Variants in TEX9 observed in about 807,000 individuals in gnomAD.
TEX9 encodes the protein testis-expressed protein 9.
Under a neutral mutation model 59.6 loss-of-function variants are expected in TEX9, and 74 were observed. The observed-to-expected ratio is 1.24, with a 90% CI of 1.03 to 1.51. TEX9 has a LOEUF of 1.51. Ranked by LOEUF, TEX9 falls within the 40% of genes most tolerant of loss-of-function variation. The pLI, the probability that TEX9 is intolerant of heterozygous loss-of-function variation, is 0.00. For missense variants in TEX9, 522 were observed against 447.8 expected, an observed-to-expected ratio of 1.17 and a Z score of -1.49; for synonymous variants, 186 against 152.2, an observed-to-expected ratio of 1.22 and a Z score of -1.64.
intron 1 of TEX9, among the ~76,000 whole-genome samples, chr15:56,318,602 A>T (rs556803995): frequency 6.6e-6 from 1 of 151,632 alleles, no homozygotes; most frequent in Admixed American, 6.6e-5. Flanking sequence ...TTGTTTCTTT[A>T]TTCCTTTATT....
intron 4 of TEX9, among the ~76,000 whole-genome samples, chr15:56,388,181 T>C (rs2048046775): frequency 6.6e-6 from 1 of 152,050 alleles, no homozygotes; most frequent in African/African-American, 2.4e-5. Flanking sequence ...GTAATTGCTG[T>C]GGATAGCCCA....
At chr15:56,417,784 T>C (rs2049769383) in intron 10 of TEX9, among the ~76,000 whole-genome samples, 2 of 151,950 alleles carry the variant, frequency 1.3e-5, no homozygotes, top group East Asian at 1.9e-4. Flanking sequence ...CTATGGAGAG[T>C]TGAAGTCTCC....
chr15:56,367,732 A>T (rs570193091), intron 2 of TEX9, among the ~76,000 whole-genome samples: 1 of 152,316 alleles, frequency 6.6e-6, no homozygotes, highest in African/African-American at 2.4e-5. Context: ...ATAGTGTTTT[A>T]TCATTTTACT....
At chr15:56,349,619 G>A (rs980347512) in intron 1 of TEX9, among the ~76,000 whole-genome samples, 10 of 152,020 alleles carry the variant, frequency 6.6e-5, no homozygotes, top group South Asian at 2.1e-4. Flanking sequence ...CCCAAGTATC[G>A]TTTTCCTTTC....
intron 1 of TEX9, among the ~76,000 whole-genome samples, chr15:56,245,407 G>T (rs2043826848): frequency 6.6e-6 from 1 of 152,170 alleles, no homozygotes; most frequent in Admixed American, 6.5e-5. Context: ...CCCATTGCAC[G>T]AGTTGCATCA....
chr15:56,358,620 A>G (rs1444062091), intron 1 of TEX9, among the ~76,000 whole-genome samples: 4 of 152,134 alleles, frequency 2.6e-5, no homozygotes, highest in African/African-American at 9.7e-5. Flanking sequence ...TCCATAGTTT[A>G]TTCAGAATTC....
intron 1 of TEX9, among the ~76,000 whole-genome samples, chr15:56,254,241 C>T (rs1266674970): frequency 6.6e-6 from 1 of 151,964 alleles, no homozygotes; most frequent in African/African-American, 2.4e-5. Context: ...ACTAGAGCAA[C>T]TGTGCCGTAC....
chr15:56,351,192 T>C (rs1403274330), intron 1 of TEX9, among the ~76,000 whole-genome samples: 3 of 152,174 alleles, frequency 2.0e-5, no homozygotes, highest in Admixed American at 1.3e-4. Flanking sequence ...ATTATAACAA[T>C]ACACAAGAAA....
At chr15:56,337,137 G>GA (rs2046272394) in intron 1 of TEX9, among the ~76,000 whole-genome samples, 1 of 152,108 alleles carries the variant, frequency 6.6e-6, no homozygotes, top group African/African-American at 2.4e-5. Context: ...AGATTAGTGG[G>GA]AAAAAATTCC....
chr15:56,332,848 A>G lies in TEX9; in HGVS notation c.-106-40593A>G, dbSNP rs369925404. Among the ~76,000 whole-genome samples the G allele has an allele frequency of 5.9e-5, 9 of 152,282 alleles. No homozygotes were observed. In the South Asian group the frequency reaches 8.3e-4, roughly 14 times the overall value. On this transcript the variant is annotated intron_variant, in intron 1 of 5. Coordinates refer to the TEX9 transcript ENST00000560827. ...GGTGAAAAAGGAGACATTACAACTG[A>G]TAAAGCAGAAGCTTGAAGGATCATT...
In TEX9 at chr15:56,359,843, A is replaced by G. The variant is rs375839996; in HGVS notation, c.-106-13598A>G. Among the ~76,000 whole-genome samples the G allele has an allele frequency of 4.6e-5, 7 of 152,280 alleles. No homozygotes were observed. In the East Asian group the frequency reaches 1.2e-3, roughly 25 times the overall value. ...GTGTTGTTCCTGATCTTAGGGAGAAAGCATCCAATTTCATTAAGCTGTAGA... is the reference window on the plus strand; with the variant it reads ...GTGTTGTTCCTGATCTTAGGGAGAAGGCATCCAATTTCATTAAGCTGTAGA... On this transcript the variant is annotated intron_variant, in intron 1 of 5. Transcript: ENST00000560827.
chr15:56,255,887 T>G (rs1173250383), intron 1 of TEX9, among the ~76,000 whole-genome samples: 1 of 152,064 alleles, frequency 6.6e-6, no homozygotes, highest in African/African-American at 2.4e-5. Context: ...TAAAGGACTT[T>G]GTATGAATAA....
At chr15:56,257,642 G>A (rs1222750753) in intron 1 of TEX9, among the ~76,000 whole-genome samples, 3 of 151,768 alleles carry the variant, frequency 2.0e-5, no homozygotes, top group African/African-American at 7.2e-5. Context: ...TAATCGGGTT[G>A]TTTTTTCTTG....
chr15:56,311,809 T>C (rs1158314021), intron 1 of TEX9, among the ~76,000 whole-genome samples: 2 of 140,664 alleles, frequency 1.4e-5, no homozygotes, highest in African/African-American at 5.3e-5. Flanking sequence ...GCACCTGTTG[T>C]TTCCTGATTT....
intron 9 of TEX9, among the ~76,000 whole-genome samples, chr15:56,405,749 C>T (rs1274761289): frequency 3.9e-5 from 6 of 152,088 alleles, no homozygotes; most frequent in Non-Finnish European, 8.8e-5. Context: ...TCTCGGTGTA[C>T]AGTTCACAGA....
In TEX9 at chr15:56,305,181, AT is replaced by A. The variant is rs368093014; in HGVS notation, c.-107+60905del. On this transcript the variant is annotated intron_variant, in intron 1 of 5. Coordinates refer to the TEX9 transcript ENST00000560827. ...ATGTTCATGGATCGGAAGAGTTAAT[AT>A]TGTTTAAATATCCATATTATCCAAA... Among the ~76,000 whole-genome samples, 44 of 152,304 alleles carry A rather than the reference AT, an allele frequency of 2.9e-4. 1 individual carries two copies. The highest frequency in any genetic ancestry group is 1.0e-3 in the African/African-American group (42 of 41,574).
chr15:56,398,769 AT>A (rs1447890873), intron 9 of TEX9, among the ~76,000 whole-genome samples: 3 of 151,406 alleles, frequency 2.0e-5, no homozygotes, highest in South Asian at 2.1e-4. Flanking sequence ...TAGGGGGAGA[AT>A]TTTTTTTTCC....
At chr15:56,320,872 C>G (rs969546618) in intron 1 of TEX9, among the ~76,000 whole-genome samples, 5 of 152,174 alleles carry the variant, frequency 3.3e-5, no homozygotes, top group African/African-American at 1.2e-4. Flanking sequence ...GGACACATAT[C>G]TCCCTCAGGA....
At position 56,317,899 on chromosome 15, in the gene TEX9, T is replaced by C. The variant is rs1010338815; in HGVS notation, c.-106-55542T>C. 9.2e-5 allele frequency among the ~76,000 whole-genome samples: 14 copies of C among 152,182 alleles called. No homozygotes were observed. In the East Asian group the frequency reaches 9.6e-4, roughly 10 times the overall value. On this transcript the variant is annotated intron_variant, in intron 1 of 5. Transcript: ENST00000560827. ...ATTTATTGAGGCTTGTTTTATGGCC[T>C]AACATATGATCTTTTCTGGAAAATA...
Sources: gnomAD v4.1 joint callset for allele counts (sites outside exome capture counted in the v4.1 genomes callset) on GRCh38, gnomAD v4.1.1 for gene constraint, MANE v1.5 for transcripts, NCBI Gene and HGNC (gene_info 2026-07-23, HGNC 2026-07-21) for gene names.